TXNRD1: variants seen among roughly 807,000 people sequenced by gnomAD.
The protein encoded by TXNRD1 is thioredoxin reductase 1, cytoplasmic.
A neutral mutation model predicts 80.3 loss-of-function variants in TXNRD1; 57 were observed. That is an observed-to-expected ratio of 0.71 (90% confidence interval 0.57 to 0.89). The LOEUF (loss-of-function observed/expected upper bound fraction) is 0.89, where lower values mean the gene tolerates loss of function less well. Among genes scored for constraint, TXNRD1 ranks in the 40% least tolerant of loss-of-function variants. The probability of loss-of-function intolerance (pLI) is 0.00; values close to 1 mark genes in which losing one functional copy is unlikely to be tolerated. For missense variants in TXNRD1, 730 were observed against 803.0 expected (o/e 0.91, Z 1.10); for synonymous variants, 291 against 285.2 (o/e 1.02, Z -0.20).
intron 1 of TXNRD1, among the ~76,000 whole-genome samples, chr12:104,228,955 G>C (rs1161808235): frequency 6.6e-6 from 1 of 151,520 alleles, no homozygotes; most frequent in African/African-American, 2.4e-5. Context: ...TCCTGACCTG[G>C]TGATCCCCCC....
intron 4 of TXNRD1, among the ~76,000 whole-genome samples, chr12:104,298,731 A>T (rs1195499408): frequency 1.3e-5 from 2 of 152,132 alleles, no homozygotes; most frequent in African/African-American, 2.4e-5. Context: ...CTAAAATAAA[A>T]ATAAAAAATA....
intron 1 of TXNRD1, among the ~76,000 whole-genome samples, chr12:104,220,726 C>CA (rs1213272755): frequency 0.027 from 696 of 25,400 alleles, 12 homozygotes; most frequent in South Asian, 0.13. Context: ...ACTCCGTCTC[C>CA]AAAAAAAAAA....
intron 12 of TXNRD1, among the ~76,000 whole-genome samples, chr12:104,326,685 C>T (rs1468047119): frequency 6.6e-6 from 1 of 151,926 alleles, no homozygotes; most frequent in East Asian, 1.9e-4. Flanking sequence ...AGGCTGGTGT[C>T]GAACTCCTGA....
Position 104,215,902 on chromosome 12 carries a change from G to A in TXNRD1, c.91+9G>A, listed in dbSNP as rs1413376577. On this transcript the variant is annotated intron_variant, in intron 1 of 16. Transcript: ENST00000525566. ...TGGCCGCCGTAGGTCAGGTACGACC[G>A]AGGGCGAAGGCCTGGTCCCCAGGTC... The A allele has an allele frequency of 6.5e-7, 1 of 1,549,470 alleles. No homozygotes were observed.
chr12:104,251,569 C>G lies in TXNRD1; in HGVS notation c.134C>G (p.Ala45Gly). The G allele has an allele frequency of 1.2e-6, 2 of 1,613,930 alleles. No homozygotes were observed. The highest frequency in any genetic ancestry group is 1.7e-6 in the Non-Finnish European group (2 of 1,179,862). ...GGTAAAACTTTGCCAGAGAACCCAG[C>G]AGGATTCACCAGCACGGCCACTGCA... The part of the protein sequence containing the change: ...HPGKTLPENP[A>G]GFTSTATADS... The change falls in exon 2 of 17, where the codon GCA (alanine) becomes GGA (glycine). Residue 45 changes from alanine to glycine, a missense_variant. By Grantham distance (60) the Ala-to-Gly change is moderately conservative. Transcript: ENST00000525566.
At chr12:104,233,246 C>T (rs954361297) in intron 1 of TXNRD1, among the ~76,000 whole-genome samples, 24 of 152,100 alleles carry the variant, frequency 1.6e-4, no homozygotes, top group African/African-American at 3.4e-4. Flanking sequence ...GGAAGCTTGA[C>T]GGAAGTTAGT....
At chr12:104,267,120 C>G (rs1014157281) in intron 3 of TXNRD1, among the ~76,000 whole-genome samples, 1 of 148,736 alleles carries the variant, frequency 6.7e-6, no homozygotes, top group Non-Finnish European at 1.5e-5. Flanking sequence ...GAGCCGAGAT[C>G]GCGCCACTGC....
At chr12:104,295,090 G>T (rs755490513) in intron 4 of TXNRD1, among the ~76,000 whole-genome samples, 1 of 152,130 alleles carries the variant, frequency 6.6e-6, no homozygotes, top group Non-Finnish European at 1.5e-5. Flanking sequence ...AGGAAGTAAG[G>T]GTTGAGGACT....
intron 1 of TXNRD1, among the ~76,000 whole-genome samples, chr12:104,239,979 C>T (rs77270214): frequency 0.019 from 2,866 of 152,248 alleles, 85 homozygotes; most frequent in African/African-American, 0.064. Flanking sequence ...TTGCTGGATT[C>T]AATTTGCCAT....
intron 3 of TXNRD1, chr12:104,265,654 C>A (rs973340239): frequency 6.2e-7 from 1 of 1,606,340 alleles, no homozygotes; most frequent in Admixed American, 1.7e-5. Flanking sequence ...CATGGGTGCC[C>A]GGCACCGCGC....
chr12:104,344,490 T>G (rs2036431327), intron 16 of TXNRD1, among the ~76,000 whole-genome samples: 1 of 152,178 alleles, frequency 6.6e-6, no homozygotes, highest in Non-Finnish European at 1.5e-5. Context: ...TGTACATATT[T>G]ATGGGGTGCA....
At chr12:104,347,946 C>A (rs1488915288) in intron 16 of TXNRD1, among the ~76,000 whole-genome samples, 2 of 151,994 alleles carry the variant, frequency 1.3e-5, no homozygotes, top group East Asian at 1.9e-4. Context: ...AATGATAAGA[C>A]CAACTCGGTG....
chr12:104,276,763 G>A (rs537730181), intron 3 of TXNRD1: 1 of 152,332 alleles, frequency 6.6e-6, no homozygotes, highest in Non-Finnish European at 1.5e-5. Context: ...TCCTGGACTA[G>A]CTGTCGGCTC....
At chr12:104,245,517 C>CAAAAAA (rs10622971) in intron 1 of TXNRD1, among the ~76,000 whole-genome samples, 2,566 of 29,166 alleles carry the variant, frequency 0.088, 746 homozygotes, top group Middle Eastern at 0.33. Context: ...AACTCCATCT[C>CAAAAAA]AAAAAAAAAA....
Position 104,251,613 on chromosome 12 carries a change from C to G in TXNRD1, c.178C>G (p.Gln60Glu), listed in dbSNP as rs1187652080. 6.2e-7 allele frequency: 1 copy of G among 1,613,984 alleles called. No individual in the cohort carries two copies. Residue 60 changes from glutamine to glutamate, a missense_variant, in exon 2 of 17, where the codon CAG (glutamine) becomes GAG (glutamate). By Grantham distance (29) the Gln-to-Glu change is conservative. Transcript: ENST00000525566. ...CACTGCAGACTCCAGAGCCCTGCTT[C>G]AGGCCTATATAGATGGTCACTCTGT... ...TATADSRALL[Q>E]AYIDGHSVVI... is the part of the protein sequence containing the mutation.
At chr12:104,276,311 T>C (rs2033756800) in intron 3 of TXNRD1, among the ~76,000 whole-genome samples, 1 of 152,164 alleles carries the variant, frequency 6.6e-6, no homozygotes, top group Non-Finnish European at 1.5e-5. Context: ...TGCAGTGACA[T>C]GTAAGTATAG....
chr12:104,251,798 G>C, intron 2 of TXNRD1, 120 bp downstream of exon 2: 1 of 1,115,964 alleles, frequency 9.0e-7, no homozygotes, highest in Non-Finnish European at 1.3e-6. Context: ...GGGCGCGGTG[G>C]CTCACACCTG....
chr12:104,329,745 A>G (rs962294306), intron 13 of TXNRD1, among the ~76,000 whole-genome samples: 1 of 152,170 alleles, frequency 6.6e-6, no homozygotes, highest in Admixed American at 6.5e-5. Flanking sequence ...GAAGACCTCT[A>G]CAGACCTCAA....
At chr12:104,275,186 G>T (rs2033731425) in intron 3 of TXNRD1, among the ~76,000 whole-genome samples, 1 of 151,262 alleles carries the variant, frequency 6.6e-6, no homozygotes, top group Admixed American at 6.6e-5. Context: ...GCTGAGGCAG[G>T]AGAACCACTT....
Sources: gnomAD v4.1 joint callset for allele counts (sites outside exome capture counted in the v4.1 genomes callset) on GRCh38, gnomAD v4.1.1 for gene constraint, MANE v1.5 for transcripts, NCBI Gene and HGNC (gene_info 2026-07-23, HGNC 2026-07-21) for gene names.